C2CD3: variants seen among roughly 807,000 people sequenced by gnomAD.
C2CD3 encodes C2 domain-containing protein 3.
In C2CD3, 148 loss-of-function variants were observed where a neutral mutation model predicts 234.0. The observed-to-expected ratio is 0.63, with a 90% CI of 0.55 to 0.72. C2CD3 has a LOEUF of 0.72. C2CD3 is among the 30% of genes least tolerant of loss of function. The probability of loss-of-function intolerance (pLI) is 0.00; values close to 1 mark genes in which losing one functional copy is unlikely to be tolerated. For synonymous variants in C2CD3, 1,000 were observed against 1,035.4 expected, an observed-to-expected ratio of 0.97 and a Z score of 0.66; for missense variants, 2,577 against 2,811.5, an observed-to-expected ratio of 0.92 and a Z score of 1.89.
rs554340274 is a variant in C2CD3, at chr11:74,057,053, C to A, written c.5090+353G>T. 2.6e-5 allele frequency among the ~76,000 whole-genome samples: 4 copies of A among 152,166 alleles called. No homozygotes were observed. In the South Asian group the frequency reaches 6.2e-4, roughly 24 times the overall value. ...AGCTGGGATTACAGGCATGTGTCAC[C>A]AAACCCAGCTTGATGGTAATTTGTT... is the stretch of plus-strand genomic sequence containing the variant. On this transcript the variant is annotated intron_variant, in intron 25 of 32. Transcript: ENST00000334126.
chr11:74,100,587 T>G lies in C2CD3; in HGVS notation c.2670A>C (p.Pro890=), dbSNP rs555420107. 34 of 1,614,170 alleles carry G rather than the reference T, an allele frequency of 2.1e-5. No homozygotes were observed. In the South Asian group the frequency reaches 3.4e-4, roughly 16 times the overall value. The change falls in exon 15 of 33, where the codon CCA becomes CCC. Residue 890 remains proline, a synonymous_variant. Coordinates refer to ENST00000334126, the MANE Select transcript of C2CD3 (RefSeq NM_001286577.2). ...VIETWNKVRS[P]GQDKLLGLVK... The stretch of plus-strand genomic sequence containing the variant: ...CCAGCCCGAGCAGCTTGTCCTGTCC[T>G]GGGCTCCGCACCTTATTCCAAGTTT...
chr11:74,166,143 T>A (rs1856791877), intron 2 of C2CD3, among the ~76,000 whole-genome samples: 1 of 151,916 alleles, frequency 6.6e-6, no homozygotes, highest in Admixed American at 6.5e-5. Flanking sequence ...ACCCCATCTC[T>A]ACTAAAAATA....
chr11:74,139,043 A>C (rs1957961029), intron 4 of C2CD3, 76 bp from the exon 5 acceptor site: 2 of 1,300,114 alleles, frequency 1.5e-6, no homozygotes, highest in South Asian at 1.4e-5. Context: ...AGAGACAGAA[A>C]GTAGACCAGT....
chr11:74,026,131 T>C (rs1310216633), intron 32 of C2CD3, among the ~76,000 whole-genome samples: 2 of 152,122 alleles, frequency 1.3e-5, no homozygotes, highest in Non-Finnish European at 2.9e-5. Flanking sequence ...GGCAACACAG[T>C]GAGACCCCGT....
rs751480624 is a variant in C2CD3 at position 74,118,374 on chromosome 11, A to G, written c.1374T>C (p.Asp458=). Residue 458 remains aspartate, a synonymous_variant, in exon 9 of 33, where the codon GAT becomes GAC. Transcript: ENST00000334126. ...CACTGAGGAAATCACTGATGCTGGT[A>G]TCAGATTTCTATGGAGAGGAAGAAA... ...ENLFYTAPKS[D]TSISDFLSEE... 2.2e-5 allele frequency: 35 copies of G among 1,612,576 alleles called. No individual in the cohort carries two copies. In the East Asian group the frequency reaches 7.1e-4, roughly 33 times the overall value.
chr11:74,048,290 C>A lies in C2CD3; in HGVS notation c.5410G>T (p.Ala1804Ser). 2 of 1,613,630 alleles carry A rather than the reference C, an allele frequency of 1.2e-6. No individual in the cohort carries two copies. The highest frequency in any genetic ancestry group is 1.7e-6 in the Non-Finnish European group (2 of 1,179,744). ...TGCCTTGCCATGTGGCTGGAGAATG[C>A]AGCATACGTATCAGAGGCAGGGAAG... is the stretch of plus-strand genomic sequence containing the variant. ...FSFPASDTYA[A>S]FSSHMARQTL... Residue 1804 changes from alanine (A) to serine (S), a missense_variant, in exon 28 of 33, where the codon GCA (alanine) becomes TCA (serine). Physicochemically the swap from Ala to Ser is moderately conservative, Grantham distance 99. Transcript: ENST00000334126.
intron 29 of C2CD3, among the ~76,000 whole-genome samples, chr11:74,039,907 T>G (rs1952938363): frequency 6.6e-6 from 1 of 152,200 alleles, no homozygotes; most frequent in Admixed American, 6.5e-5. Flanking sequence ...AACCAAATTA[T>G]CAATGGTTTC....
intron 7 of C2CD3, among the ~76,000 whole-genome samples, chr11:74,127,372 T>C (rs1180299088): frequency 1.3e-5 from 2 of 152,226 alleles, no homozygotes; most frequent in Admixed American, 1.3e-4. Context: ...TTCACCTTGA[T>C]GGCCAAAGGT....
chr11:74,045,067 A>G (rs1953295736), intron 28 of C2CD3, among the ~76,000 whole-genome samples: 1 of 151,992 alleles, frequency 6.6e-6, no homozygotes, highest in African/African-American at 2.4e-5. Flanking sequence ...TTACATTTAG[A>G]TATGTGACCC....
chr11:74,039,471 A>T (rs978507803), intron 29 of C2CD3, among the ~76,000 whole-genome samples: 2 of 152,184 alleles, frequency 1.3e-5, no homozygotes, highest in African/African-American at 4.8e-5. Context: ...GCATCACCTG[A>T]GCTTGTTAGA....
intron 1 of C2CD3, among the ~76,000 whole-genome samples, chr11:74,169,679 T>C (rs982968179): frequency 3.1e-4 from 47 of 152,202 alleles, no homozygotes; most frequent in Non-Finnish European, 4.7e-4. Flanking sequence ...TTCTGTTCTA[T>C]GCTATGTTAT....
intron 22 of C2CD3, among the ~76,000 whole-genome samples, chr11:74,081,928 GC>G (rs1393359553): frequency 6.6e-6 from 1 of 152,060 alleles, no homozygotes. Flanking sequence ...CATGTCATCT[GC>G]AAACAGGGAC....
chr11:74,103,009 C>T (rs1218840070), intron 14 of C2CD3, 122 bp downstream of exon 14: 2 of 949,830 alleles, frequency 2.1e-6, no homozygotes, highest in Non-Finnish European at 3.2e-6. Context: ...ATCTGTACAC[C>T]AGATAATTAC....
At chr11:74,036,689 C>G (rs946660839) in intron 30 of C2CD3, among the ~76,000 whole-genome samples, 14 of 152,188 alleles carry the variant, frequency 9.2e-5, no homozygotes, top group African/African-American at 3.4e-4. Flanking sequence ...ATTTCTAGGT[C>G]ATGACCCTGG....
chr11:74,102,337 G>A (rs1344392423), intron 14 of C2CD3, among the ~76,000 whole-genome samples: 3 of 152,228 alleles, frequency 2.0e-5, no homozygotes, highest in African/African-American at 7.2e-5. Context: ...GCCAGGCAAT[G>A]TGTTAGGTGC....
rs370655673 is a variant in C2CD3, at chr11:74,092,532, G to A, written c.3401C>T (p.Ser1134Leu). 2 of 1,613,838 alleles carry A rather than the reference G, an allele frequency of 1.2e-6. No individual in the cohort carries two copies. The highest frequency in any genetic ancestry group is 2.7e-5 in the African/African-American group (2 of 74,886). ...QKVAKGTLPL[S>L]RICAMVTTQH... ...GGTGGTTACCATAGCACAGATCCTT[G>A]ATAATGGCAAGGTTCCTTTGGCGAC... The change falls in exon 19 of 33, where the codon TCA becomes TTA. Residue 1134 changes from serine (S) to leucine (L), a missense_variant. Ser to Leu is a moderately radical substitution (Grantham distance 145). Coordinates refer to ENST00000334126, the MANE Select transcript of C2CD3 (RefSeq NM_001286577.2).
intron 3 of C2CD3, among the ~76,000 whole-genome samples, chr11:74,146,305 T>C (rs1855182518): frequency 6.6e-6 from 1 of 152,232 alleles, no homozygotes; most frequent in Non-Finnish European, 1.5e-5. Flanking sequence ...AAATTAGTTA[T>C]TCAGCATGTT....
At position 74,168,337 on chromosome 11, in the gene C2CD3, A is replaced by G; in HGVS notation, c.325+7T>C. ...TCTGCAGGTGCAATGATAAAACAATAACATACCTGTTAGATAAGAGGTAAA... is the reference window on the plus strand; with the variant it reads ...TCTGCAGGTGCAATGATAAAACAATGACATACCTGTTAGATAAGAGGTAAA... On this transcript the variant is annotated splice_region_variant and intron_variant, in intron 2 of 32. Coordinates refer to ENST00000334126, the MANE Select transcript of C2CD3 (RefSeq NM_001286577.2). 1.9e-6 allele frequency: 3 copies of G among 1,610,604 alleles called. No individual in the cohort carries two copies. The highest frequency in any genetic ancestry group is 1.7e-6 in the Non-Finnish European group (2 of 1,176,804).
At chr11:74,029,305 T>C (rs1476206113) in intron 31 of C2CD3, among the ~76,000 whole-genome samples, 2 of 152,236 alleles carry the variant, frequency 1.3e-5, no homozygotes, top group Non-Finnish European at 2.9e-5. Flanking sequence ...CCACATTTCC[T>C]ATTTTATCGT....
Sources: gnomAD v4.1 joint callset for allele counts (sites outside exome capture counted in the v4.1 genomes callset) on GRCh38, gnomAD v4.1.1 for gene constraint, MANE v1.5 for transcripts, NCBI Gene and HGNC (gene_info 2026-07-23, HGNC 2026-07-21) for gene names.